The following OTUD7B variants were observed in gnomAD, a reference collection of about 807,000 sequenced individuals.
OTUD7B encodes OTU domain-containing protein 7B.
In OTUD7B, 34 loss-of-function variants were observed where a neutral mutation model predicts 82.2. That is an observed-to-expected ratio of 0.41 (90% confidence interval 0.31 to 0.55). The LOEUF is 0.55. Ranked by LOEUF, OTUD7B falls within the 20% of genes least tolerant of loss-of-function variation. OTUD7B has a pLI of 0.20. For synonymous variants in OTUD7B, 398 were observed against 402.7 expected (o/e 0.99, Z 0.14); for missense variants, 944 against 1,062.1 (o/e 0.89, Z 1.55).
chr1:150,036,496 G>A, the OTUD7B span, among the ~76,000 whole-genome samples: 1 of 151,736 alleles, frequency 6.6e-6, no homozygotes, highest in Non-Finnish European at 1.5e-5. Context: ...CTGGCCTCAA[G>A]TGATCACCCA....
At chr1:150,028,157 C>T in the OTUD7B span, among the ~76,000 whole-genome samples, 5 of 152,184 alleles carry the variant, frequency 3.3e-5, no homozygotes, top group Admixed American at 2.6e-4. Context: ...TTTGACAAGG[C>T]TCTAGGATGC....
chr1:149,957,975 T>G (rs899566089), intron 7 of OTUD7B, among the ~76,000 whole-genome samples: 7 of 152,196 alleles, frequency 4.6e-5, no homozygotes, highest in Non-Finnish European at 8.8e-5. Flanking sequence ...TCCAACTCCT[T>G]GTGCTTCCCA....
chr1:149,976,565 C>T (rs1650324368), intron 2 of OTUD7B, among the ~76,000 whole-genome samples: 1 of 130,658 alleles, frequency 7.7e-6, no homozygotes, highest in Admixed American at 9.1e-5. Context: ...GACCCGAGAT[C>T]GCACCATTGC....
chr1:149,978,983 A>G (rs1650517338), intron 1 of OTUD7B, among the ~76,000 whole-genome samples: 1 of 151,052 alleles, frequency 6.6e-6, no homozygotes, highest in Non-Finnish European at 1.5e-5. Flanking sequence ...GGGTTATAAA[A>G]CCAGCAGGTC....
chr1:149,947,867 G>A (rs188763036), intron 10 of OTUD7B, among the ~76,000 whole-genome samples: 138 of 152,190 alleles, frequency 9.1e-4, no homozygotes, highest in African/African-American at 3.2e-3. Context: ...CAGAAGGAAG[G>A]CTTAACAAGC....
chr1:150,053,473 C>T, the OTUD7B span, among the ~76,000 whole-genome samples: 1 of 151,764 alleles, frequency 6.6e-6, no homozygotes, highest in South Asian at 2.1e-4. Context: ...CTCGGCTCAC[C>T]GCAACTTCTG....
chr1:149,989,428 G>A (rs1378466000), intron 1 of OTUD7B, among the ~76,000 whole-genome samples: 5 of 146,758 alleles, frequency 3.4e-5, no homozygotes, highest in Non-Finnish European at 7.4e-5. Context: ...AGCCGAAATC[G>A]TGCCACTGAA....
At chr1:149,960,389 C>CCTTTTT in intron 6 of OTUD7B, among the ~76,000 whole-genome samples, 1 of 4,122 alleles carries the variant, frequency 2.4e-4, no homozygotes, top group South Asian at 0.024. Flanking sequence ...CTTTTCTTTC[C>CCTTTTT]TTTTTTTCTT....
intron 2 of OTUD7B, among the ~76,000 whole-genome samples, chr1:149,976,507 A>G (rs1465105084): frequency 6.7e-6 from 1 of 149,990 alleles, no homozygotes; most frequent in Non-Finnish European, 1.5e-5. Context: ...GCTACTCCGG[A>G]GGCTGAGGCA....
upstream of OTUD7B, among the ~76,000 whole-genome samples, chr1:150,015,551 G>C (rs1653242737): frequency 6.6e-6 from 1 of 152,050 alleles, no homozygotes; most frequent in South Asian, 2.1e-4. Context: ...AAAGTGCTGA[G>C]ATTACAAGCG....
At position 149,971,269 on chromosome 1, in the gene OTUD7B, A is replaced by C. The variant is rs1553777634; in HGVS notation, c.86-18T>G. 6.3e-7 allele frequency: 1 copy of C among 1,590,444 alleles called. No homozygotes were observed. Among genetic ancestry groups the C allele is most frequent in the South Asian group, 1.1e-5 (1 of 89,890 alleles). ...ATTCTTTCCTGTCAGGAGACAAAGC[A>C]AAAAGCAAACTGTGCAACCATAGTA... On this transcript the variant is annotated intron_variant, in intron 2 of 11. Coordinates refer to ENST00000581312, the MANE Select transcript of OTUD7B (RefSeq NM_020205.4).
At chr1:149,987,821 G>A (rs1651256467) in intron 1 of OTUD7B, among the ~76,000 whole-genome samples, 1 of 152,106 alleles carries the variant, frequency 6.6e-6, no homozygotes, top group South Asian at 2.1e-4. Context: ...TCCCTTAGTT[G>A]TACCTTCCAC....
the OTUD7B span, among the ~76,000 whole-genome samples, chr1:150,040,025 C>T: frequency 6.6e-6 from 1 of 152,156 alleles, no homozygotes; most frequent in African/African-American, 2.4e-5. Context: ...TGTTGAATAG[C>T]AGCAGTTATA....
chr1:149,950,091 C>G lies in OTUD7B; in HGVS notation c.973+3G>C. 6.2e-7 allele frequency: 1 copy of G among 1,613,782 alleles called. No individual in the cohort carries two copies. Among genetic ancestry groups the G allele is most frequent in the Non-Finnish European group, 8.5e-7 (1 of 1,179,994 alleles). On this transcript the variant is annotated splice_donor_region_variant and intron_variant, in intron 8 of 11. Transcript: ENST00000581312. Reference sequence around the variant, plus strand: ...TGGAGTGAGGACTGACTGGCTGACTCACCTTCCCCTCCGGAGTCCCTCAGC... The same window carrying G: ...TGGAGTGAGGACTGACTGGCTGACTGACCTTCCCCTCCGGAGTCCCTCAGC...
At chr1:150,014,058 A>ATATGTGTG (rs1318158374), upstream of OTUD7B, among the ~76,000 whole-genome samples, 17 of 87,520 alleles carry the variant, frequency 1.9e-4, no homozygotes, top group Admixed American at 1.2e-3. Flanking sequence ...GTGTATATAT[A>ATATGTGTG]TGTGTGTGTG....
the OTUD7B span, among the ~76,000 whole-genome samples, chr1:150,065,469 AAT>A: frequency 1.3e-5 from 2 of 152,226 alleles, no homozygotes; most frequent in East Asian, 3.8e-4. Flanking sequence ...ATTTTAAGTT[AAT>A]GTAGTCATTC....
chr1:150,046,007 A>G, the OTUD7B span, among the ~76,000 whole-genome samples: 2 of 152,238 alleles, frequency 1.3e-5, no homozygotes, highest in African/African-American at 4.8e-5. Context: ...GAGTTTATTG[A>G]ACCATTAAAA....
At position 149,942,731 on chromosome 1, in the gene OTUD7B, A is replaced by C. The variant is rs1647343234; in HGVS notation, c.*1126T>G. On this transcript the variant is annotated 3_prime_UTR_variant, in exon 12 of 12. Coordinates refer to ENST00000581312, the MANE Select transcript of OTUD7B (RefSeq NM_020205.4). Reference sequence around the variant, plus strand: ...CTTAACAAAAGAAGCCGGGATGTTAAGTTCATTCTCCAAAAGTAGAGCAAA... The same window carrying C: ...CTTAACAAAAGAAGCCGGGATGTTACGTTCATTCTCCAAAAGTAGAGCAAA... The C allele has an allele frequency of 2.0e-5, 3 of 152,782 alleles. No individual in the cohort carries two copies. In the South Asian group the frequency reaches 6.2e-4, roughly 32 times the overall value. The allele number at this position is 152,782 out of a possible 1,614,324, so 9.5% of individuals were successfully genotyped here.
intron 1 of OTUD7B, among the ~76,000 whole-genome samples, chr1:149,996,366 A>C (rs782538820): frequency 2.5e-4 from 20 of 81,338 alleles, no homozygotes; most frequent in Non-Finnish European, 4.4e-4. Flanking sequence ...CATCAAGACC[A>C]TTTTTAACAA....
Sources: gnomAD v4.1 joint callset for allele counts (sites outside exome capture counted in the v4.1 genomes callset) on GRCh38, gnomAD v4.1.1 for gene constraint, MANE v1.5 for transcripts, NCBI Gene and HGNC (gene_info 2026-07-23, HGNC 2026-07-21) for gene names.